The following GPC6 variants were observed in gnomAD, a reference collection of about 807,000 sequenced individuals.
GPC6 encodes the protein glypican-6.
A neutral mutation model predicts 55.2 loss-of-function variants in GPC6; 14 were observed. The observed-to-expected ratio is 0.25, with a 90% CI of 0.17 to 0.40. The LOEUF (loss-of-function observed/expected upper bound fraction) is 0.40. Ranked by LOEUF, GPC6 falls within the 10% of genes least tolerant of loss-of-function variation. The pLI is 1.00. For missense variants in GPC6, 641 were observed against 708.5 expected, an observed-to-expected ratio of 0.90 and a Z score of 1.08; for synonymous variants, 278 against 259.6, an observed-to-expected ratio of 1.07 and a Z score of -0.68.
chr13:94,077,993 C>A (rs1326690057), intron 4 of GPC6, among the ~76,000 whole-genome samples: 1 of 151,832 alleles, frequency 6.6e-6, no homozygotes, highest in Admixed American at 6.6e-5. Flanking sequence ...GAACATTCTT[C>A]AAGATGGATC....
intron 2 of GPC6, among the ~76,000 whole-genome samples, chr13:93,750,203 G>A (rs1884530019): frequency 6.6e-6 from 1 of 152,182 alleles, no homozygotes; most frequent in South Asian, 2.1e-4. Flanking sequence ...TAAGCGATCA[G>A]GGAGAAAGTA....
chr13:93,250,186 T>C (rs1329295592), intron 1 of GPC6, among the ~76,000 whole-genome samples: 1 of 152,216 alleles, frequency 6.6e-6, no homozygotes, highest in Non-Finnish European at 1.5e-5. Flanking sequence ...GAATGAACAC[T>C]TCTAAAGCTC....
At chr13:93,934,747 GT>G (rs1405456508) in intron 3 of GPC6, among the ~76,000 whole-genome samples, 2 of 151,212 alleles carry the variant, frequency 1.3e-5, no homozygotes, top group Non-Finnish European at 2.9e-5. Flanking sequence ...TCATCTGAAT[GT>G]TTTATATAAA....
intron 3 of GPC6, among the ~76,000 whole-genome samples, chr13:93,938,775 C>G (rs903525124): frequency 1.3e-5 from 2 of 152,154 alleles, no homozygotes; most frequent in Admixed American, 1.3e-4. Flanking sequence ...GAAAAGGGAT[C>G]TTGCTGTTGA....
intron 7 of GPC6, among the ~76,000 whole-genome samples, chr13:94,384,285 G>A (rs1880305035): frequency 6.6e-6 from 1 of 152,190 alleles, no homozygotes; most frequent in Admixed American, 6.5e-5. Context: ...TTTTAGCTAG[G>A]AGACCTTTGG....
chr13:94,306,675 A>T (rs1875964465), intron 6 of GPC6, among the ~76,000 whole-genome samples: 1 of 152,128 alleles, frequency 6.6e-6, no homozygotes, highest in African/African-American at 2.4e-5. Flanking sequence ...GTGTCAGGGG[A>T]CTTAGTGATA....
intron 4 of GPC6, among the ~76,000 whole-genome samples, chr13:94,077,865 G>A (rs1043482111): frequency 3.3e-5 from 5 of 151,730 alleles, no homozygotes; most frequent in Non-Finnish European, 5.9e-5. Flanking sequence ...TATTGAATTT[G>A]GTTAGGTAGT....
intron 4 of GPC6, among the ~76,000 whole-genome samples, chr13:94,200,805 G>A (rs1215664770): frequency 1.3e-5 from 2 of 152,188 alleles, no homozygotes; most frequent in Non-Finnish European, 2.9e-5. Context: ...AATGCTTTTT[G>A]AGGTATTATT....
intron 3 of GPC6, among the ~76,000 whole-genome samples, chr13:93,912,822 T>C (rs1877078663): frequency 6.6e-6 from 1 of 152,198 alleles, no homozygotes; most frequent in African/African-American, 2.4e-5. Flanking sequence ...AATAAAGGGC[T>C]GTTTGCTTCT....
At chr13:93,813,822 C>T (rs568111133) in intron 2 of GPC6, among the ~76,000 whole-genome samples, 1 of 151,106 alleles carries the variant, frequency 6.6e-6, no homozygotes, top group African/African-American at 2.4e-5. Flanking sequence ...ATGAGCAAAA[C>T]TTTTATACTA....
intron 3 of GPC6, among the ~76,000 whole-genome samples, chr13:93,959,312 G>A (rs866564570): frequency 9.2e-5 from 14 of 152,010 alleles, no homozygotes; most frequent in East Asian, 1.9e-4. Flanking sequence ...ACAGGCATGC[G>A]CCACCACACC....
chr13:94,063,407 G>A (rs188147097), intron 4 of GPC6, among the ~76,000 whole-genome samples: 1 of 152,316 alleles, frequency 6.6e-6, no homozygotes, highest in Admixed American at 6.5e-5. Flanking sequence ...TAGCTGTGGT[G>A]TAGAATGCTA....
chr13:93,706,086 G>T (rs947793135), intron 2 of GPC6, among the ~76,000 whole-genome samples: 5 of 151,610 alleles, frequency 3.3e-5, no homozygotes, highest in African/African-American at 4.8e-5. Flanking sequence ...GACAGTAAAA[G>T]GTATCTACAA....
chr13:94,327,068 T>G (rs1473459555), intron 6 of GPC6, among the ~76,000 whole-genome samples: 1 of 152,180 alleles, frequency 6.6e-6, no homozygotes, highest in East Asian at 1.9e-4. Flanking sequence ...CAGCAAATAT[T>G]CTCAGGATAC....
chr13:94,108,537 A>T (rs949900066), intron 4 of GPC6, among the ~76,000 whole-genome samples: 2 of 152,122 alleles, frequency 1.3e-5, no homozygotes, highest in South Asian at 4.1e-4. Context: ...GGAAATAAGA[A>T]ATTTTTAAAA....
At chr13:94,022,633 TTTTTA>T (rs1208893061) in intron 3 of GPC6, among the ~76,000 whole-genome samples, 1 of 152,006 alleles carries the variant, frequency 6.6e-6, no homozygotes, top group Non-Finnish European at 1.5e-5. Context: ...TTTATACTGG[TTTTTA>T]TTTTTAGTTT....
intron 1 of GPC6, among the ~76,000 whole-genome samples, chr13:93,287,790 A>T (rs1169217734): frequency 6.6e-6 from 1 of 152,216 alleles, no homozygotes; most frequent in Non-Finnish European, 1.5e-5. Flanking sequence ...ATATTAAAGG[A>T]TTATTTGCAA....
chr13:93,998,676 CTAACTTA>C (rs1421404024), intron 3 of GPC6, among the ~76,000 whole-genome samples: 2 of 151,826 alleles, frequency 1.3e-5, no homozygotes, highest in East Asian at 1.9e-4. Flanking sequence ...AGTAAAAACT[CTAACTTA>C]TAAGATTTTT....
In GPC6 at chr13:93,858,860, G is replaced by A. The variant is rs553442970; in HGVS notation, c.711+28315G>A. The stretch of plus-strand genomic sequence containing the variant: ...GTAAACAAGACTTTTGAGGAATTTT[G>A]TTATAAAAAGGGAAGGGAGACATTG... On this transcript the variant is annotated intron_variant, in intron 3 of 8. Coordinates refer to ENST00000377047, the MANE Select transcript of GPC6 (RefSeq NM_005708.5). Among the ~76,000 whole-genome samples, 3 of 151,556 alleles carry A rather than the reference G, an allele frequency of 2.0e-5. No individual in the cohort carries two copies. In the South Asian group the frequency reaches 6.2e-4, roughly 31 times the overall value.
Sources: allele counts gnomAD v4.1 joint callset (sites outside exome capture counted in the v4.1 genomes callset), GRCh38; gene constraint gnomAD v4.1.1; transcripts MANE v1.5; gene names NCBI Gene and HGNC (gene_info 2026-07-23, HGNC 2026-07-21).